Variants in CFAP58 observed in about 807,000 individuals in gnomAD.
CFAP58 encodes cilia- and flagella-associated protein 58.
A neutral mutation model predicts 119.5 loss-of-function variants in CFAP58; 88 were observed. The observed-to-expected ratio is 0.74, with a 90% CI of 0.62 to 0.88. CFAP58 has a LOEUF of 0.88. CFAP58 is among the 40% of genes least tolerant of loss of function. The pLI, the probability that CFAP58 is intolerant of heterozygous loss-of-function variation, is 0.00. For synonymous variants in CFAP58, 365 were observed against 366.3 expected (o/e 1.00, Z 0.04); for missense variants, 990 against 1,021.2 (o/e 0.97, Z 0.42).
intron 5 of CFAP58, among the ~76,000 whole-genome samples, chr10:104,366,736 C>T (rs2014756517): frequency 6.6e-6 from 1 of 152,220 alleles, no homozygotes; most frequent in Non-Finnish European, 1.5e-5. Flanking sequence ...AGACAGAGAA[C>T]ATTTACATCA....
At chr10:104,420,896 TCTTG>T (rs2012645719) in intron 15 of CFAP58, among the ~76,000 whole-genome samples, 2 of 151,550 alleles carry the variant, frequency 1.3e-5, no homozygotes, top group Admixed American at 1.3e-4. Context: ...GGGACTACAG[TCTTG>T]TGCCCCCACA....
intron 17 of CFAP58, among the ~76,000 whole-genome samples, chr10:104,450,681 ATTTAT>A (rs1246534670): frequency 6.9e-6 from 1 of 145,784 alleles, no homozygotes; most frequent in African/African-American, 2.6e-5. Flanking sequence ...TTATTTATTT[ATTTAT>A]TTATTTATTT....
intron 16 of CFAP58, among the ~76,000 whole-genome samples, chr10:104,448,752 G>C (rs1000402237): frequency 2.0e-5 from 3 of 152,230 alleles, no homozygotes; most frequent in African/African-American, 7.2e-5. Flanking sequence ...CACTCTGAAT[G>C]TTCATTTCAC....
chr10:104,359,503 A>G (rs1211548943), intron 2 of CFAP58, among the ~76,000 whole-genome samples: 1 of 152,222 alleles, frequency 6.6e-6, no homozygotes, highest in East Asian at 1.9e-4. Context: ...TTCATTGTAA[A>G]TTTAAAAACT....
chr10:104,345,781 T>C, the CFAP58 span, among the ~76,000 whole-genome samples: 2 of 152,076 alleles, frequency 1.3e-5, no homozygotes, highest in African/African-American at 2.4e-5. Context: ...TAAGGAGTCA[T>C]TGGATTTTCC....
chr10:104,379,903 A>T (rs1357619890), intron 8 of CFAP58, 126 bp from the exon 9 acceptor site: 1 of 842,496 alleles, frequency 1.2e-6, no homozygotes. Context: ...TGTAGAGAAT[A>T]TGATCATTTT....
At chr10:104,339,185 C>CG in the CFAP58 span, among the ~76,000 whole-genome samples, 1 of 152,154 alleles carries the variant, frequency 6.6e-6, no homozygotes, top group Non-Finnish European at 1.5e-5. Flanking sequence ...CCACCGCGCC[C>CG]GACTTTTATG....
At chr10:104,450,830 C>T (rs1564908794) in intron 17 of CFAP58, among the ~76,000 whole-genome samples, 2 of 151,958 alleles carry the variant, frequency 1.3e-5, no homozygotes, top group Non-Finnish European at 2.9e-5. Flanking sequence ...CAGGGTGAGC[C>T]ATGGTGTCCT....
intron 13 of CFAP58, among the ~76,000 whole-genome samples, chr10:104,401,121 G>C (rs537658558): frequency 4.5e-4 from 69 of 152,204 alleles, no homozygotes; most frequent in African/African-American, 1.6e-3. Flanking sequence ...CTTCCTTTCG[G>C]GGGGGTAAGG....
At chr10:104,374,523 G>T (rs1207063295) in intron 7 of CFAP58, among the ~76,000 whole-genome samples, 3 of 148,782 alleles carry the variant, frequency 2.0e-5, no homozygotes, top group Admixed American at 6.7e-5. Flanking sequence ...ATTGGCAAAG[G>T]GCAAATTGGG....
chr10:104,431,550 A>G (rs569875457), intron 15 of CFAP58, among the ~76,000 whole-genome samples: 11 of 152,310 alleles, frequency 7.2e-5, no homozygotes, highest in South Asian at 4.1e-4. Context: ...AGTCGAGTAT[A>G]ATAGAACACA....
intron 3 of CFAP58, among the ~76,000 whole-genome samples, 188 bp from the exon 4 acceptor site, chr10:104,364,545 G>A (rs2014716800): frequency 6.6e-6 from 1 of 151,524 alleles, no homozygotes; most frequent in South Asian, 2.1e-4. Context: ...GTTATCATTA[G>A]TACTTCTTTC....
intron 1 of CFAP58, among the ~76,000 whole-genome samples, chr10:104,357,632 T>C (rs1299040654): frequency 6.6e-6 from 1 of 152,148 alleles, no homozygotes; most frequent in African/African-American, 2.4e-5. Context: ...ATGTTTAACA[T>C]CAGTGATCTA....
intron 7 of CFAP58, among the ~76,000 whole-genome samples, chr10:104,374,666 C>G (rs1050012790): frequency 3.3e-5 from 5 of 151,534 alleles, no homozygotes; most frequent in Admixed American, 3.3e-4. Context: ...TGTCAAAGAT[C>G]AAAGAGAATG....
chr10:104,348,503 T>A, the CFAP58 span, among the ~76,000 whole-genome samples: 1 of 152,204 alleles, frequency 6.6e-6, no homozygotes, highest in Non-Finnish European at 1.5e-5. Flanking sequence ...GTATTTGAGA[T>A]ATCTGGCAGA....
At chr10:104,375,006 A>G (rs1223695095) in intron 7 of CFAP58, among the ~76,000 whole-genome samples, 2 of 151,868 alleles carry the variant, frequency 1.3e-5, no homozygotes, top group African/African-American at 4.8e-5. Context: ...ATGCTTGTTA[A>G]TTATGAAAGC....
chr10:104,365,563 A>T (rs111555628), intron 4 of CFAP58, among the ~76,000 whole-genome samples: 26 of 152,246 alleles, frequency 1.7e-4, no homozygotes, highest in African/African-American at 6.3e-4. Context: ...ATTTGATTTT[A>T]TACCACACTT....
chr10:104,363,041 T>G (rs1478256819), intron 3 of CFAP58, among the ~76,000 whole-genome samples: 1 of 152,228 alleles, frequency 6.6e-6, no homozygotes, highest in East Asian at 1.9e-4. Flanking sequence ...AAGACCCATC[T>G]CAAACACTGT....
At chr10:104,410,591 C>G (rs2012444032) in intron 15 of CFAP58, among the ~76,000 whole-genome samples, 1 of 152,198 alleles carries the variant, frequency 6.6e-6, no homozygotes, top group Non-Finnish European at 1.5e-5. Flanking sequence ...GAGAAGTCTG[C>G]TGTACGTCTA....
Sources: gnomAD v4.1 joint callset for allele counts (sites outside exome capture counted in the v4.1 genomes callset) on GRCh38, gnomAD v4.1.1 for gene constraint, MANE v1.5 for transcripts, NCBI Gene and HGNC (gene_info 2026-07-23, HGNC 2026-07-21) for gene names.